The following NRXN3 variants were observed in gnomAD, a reference collection of about 807,000 sequenced individuals.
NRXN3 encodes neurexin 3, also known as neurexin III.
A neutral mutation model predicts 137.6 loss-of-function variants in NRXN3; 32 were observed. The ratio of observed to expected loss-of-function variants is 0.23; its 90% CI spans 0.18 to 0.31. The LOEUF (loss-of-function observed/expected upper bound fraction) is 0.31, where lower values mean the gene tolerates loss of function less well. Among genes scored for constraint, NRXN3 ranks in the 10% least tolerant of loss-of-function variants. The pLI is 1.00. For synonymous variants in NRXN3, 798 were observed against 784.5 expected, an observed-to-expected ratio of 1.02 and a Z score of -0.29; for missense variants, 1,574 against 2,062.5, an observed-to-expected ratio of 0.76 and a Z score of 4.59.
At chr14:79,173,619 G>A (rs2062010720) in intron 15 of NRXN3, among the ~76,000 whole-genome samples, 3 of 150,766 alleles carry the variant, frequency 2.0e-5, no homozygotes, top group Admixed American at 6.6e-5. Flanking sequence ...GTAATAAAAT[G>A]TGTCCATGAG....
At chr14:78,171,309 C>G (rs1171448872) in intron 1 of NRXN3, among the ~76,000 whole-genome samples, 4 of 145,546 alleles carry the variant, frequency 2.7e-5, no homozygotes, top group Admixed American at 7.0e-5. Context: ...GGTGGGCATA[C>G]TTGGAGAAGG....
intron 8 of NRXN3, among the ~76,000 whole-genome samples, chr14:78,724,176 C>G (rs1427970369): frequency 1.3e-5 from 2 of 152,116 alleles, no homozygotes; most frequent in African/African-American, 4.8e-5. Context: ...ATTCTGGTCT[C>G]TCATTTGGGA....
chr14:79,067,287 A>G (rs556691233), intron 15 of NRXN3, among the ~76,000 whole-genome samples: 13 of 152,296 alleles, frequency 8.5e-5, no homozygotes, highest in African/African-American at 3.1e-4. Flanking sequence ...GCATATGTTG[A>G]ACCAAACTTG....
At chr14:79,019,734 A>C (rs949711259) in intron 15 of NRXN3, among the ~76,000 whole-genome samples, 10 of 152,220 alleles carry the variant, frequency 6.6e-5, no homozygotes, top group African/African-American at 2.4e-4. Context: ...TGCAGTTGAG[A>C]GGGCTGGGAG....
intron 4 of NRXN3, among the ~76,000 whole-genome samples, chr14:78,628,430 A>G (rs2097488570): frequency 6.6e-6 from 1 of 152,184 alleles, no homozygotes; most frequent in Admixed American, 6.5e-5. Flanking sequence ...TCCTACCATA[A>G]TGTACCTGAA....
chr14:78,591,130 C>T (rs1283226782), intron 4 of NRXN3, among the ~76,000 whole-genome samples: 1 of 152,136 alleles, frequency 6.6e-6, no homozygotes, highest in Non-Finnish European at 1.5e-5. Flanking sequence ...AGCTATGTCC[C>T]CACAAAAGCA....
chr14:79,078,922 G>C (rs918686366), intron 15 of NRXN3, among the ~76,000 whole-genome samples: 6 of 151,850 alleles, frequency 4.0e-5, no homozygotes, highest in African/African-American at 1.5e-4. Context: ...TTCTTGTGTA[G>C]GGATACCAGA....
chr14:79,329,149 A>G (rs1213281073), intron 15 of NRXN3, among the ~76,000 whole-genome samples: 1 of 152,182 alleles, frequency 6.6e-6, no homozygotes, highest in Admixed American at 6.5e-5. Flanking sequence ...GCTTACTCAG[A>G]GTAGATGTGA....
chr14:79,155,643 T>G (rs770870026), intron 15 of NRXN3, among the ~76,000 whole-genome samples: 14 of 151,868 alleles, frequency 9.2e-5, no homozygotes, highest in Non-Finnish European at 1.8e-4. Flanking sequence ...CAAATTATGT[T>G]GTTATATTTT....
intron 11 of NRXN3, among the ~76,000 whole-genome samples, chr14:78,962,367 G>T (rs1215003555): frequency 1.3e-5 from 2 of 152,136 alleles, no homozygotes; most frequent in Non-Finnish European, 2.9e-5. Context: ...ATTTTCAGTA[G>T]TCTTGGTTTT....
At chr14:79,376,206 GTGTGTATGTATATA>G (rs1204109333) in intron 15 of NRXN3, among the ~76,000 whole-genome samples, 3 of 53,880 alleles carry the variant, frequency 5.6e-5, no homozygotes, top group African/African-American at 1.6e-4. Flanking sequence ...GTGTGTGTGT[GTGTGTATGTATATA>G]TATATATATA....
chr14:79,213,466 A>AT (rs1391232587), intron 15 of NRXN3, among the ~76,000 whole-genome samples: 1 of 152,196 alleles, frequency 6.6e-6, no homozygotes, highest in Non-Finnish European at 1.5e-5. Flanking sequence ...TTCATGTGGC[A>AT]TTTTTAATAC....
At chr14:78,863,869 C>G (rs2099079555) in intron 10 of NRXN3, among the ~76,000 whole-genome samples, 1 of 152,012 alleles carries the variant, frequency 6.6e-6, no homozygotes, top group South Asian at 2.1e-4. Flanking sequence ...TTCAATGAGT[C>G]AGAATGGTTT....
intron 16 of NRXN3, among the ~76,000 whole-genome samples, chr14:79,492,404 G>T (rs1324895098): frequency 1.3e-5 from 2 of 151,852 alleles, no homozygotes; most frequent in Non-Finnish European, 2.9e-5. Context: ...GGGGATGGGG[G>T]CAGGGTCTCA....
intron 6 of NRXN3, among the ~76,000 whole-genome samples, chr14:78,652,887 C>T (rs1372965756): frequency 6.6e-6 from 1 of 152,196 alleles, no homozygotes; most frequent in Non-Finnish European, 1.5e-5. Flanking sequence ...GAGATGAGAT[C>T]AGTGAGTGAA....
chr14:79,220,505 T>C (rs1263026786), intron 15 of NRXN3, among the ~76,000 whole-genome samples: 2 of 152,140 alleles, frequency 1.3e-5, no homozygotes, highest in African/African-American at 4.8e-5. Flanking sequence ...ACTCTTGGTG[T>C]TGTACATTAT....
intron 15 of NRXN3, among the ~76,000 whole-genome samples, chr14:79,271,837 A>G (rs1163696997): frequency 6.6e-6 from 1 of 152,168 alleles, no homozygotes; most frequent in Non-Finnish European, 1.5e-5. Flanking sequence ...CAAGTTCATC[A>G]TAATAGTGAA....
intron 2 of NRXN3, among the ~76,000 whole-genome samples, chr14:78,249,859 A>G (rs2068309242): frequency 6.6e-6 from 1 of 152,210 alleles, no homozygotes; most frequent in African/African-American, 2.4e-5. Flanking sequence ...ATAGTGGATA[A>G]GAGTATGGCT....
At chr14:79,298,519 C>T (rs963229962) in intron 15 of NRXN3, among the ~76,000 whole-genome samples, 1 of 152,026 alleles carries the variant, frequency 6.6e-6, no homozygotes, top group Non-Finnish European at 1.5e-5. Context: ...GAGGTCTTAA[C>T]ATTTTTTCTC....
Sources: allele counts gnomAD v4.1 joint callset (sites outside exome capture counted in the v4.1 genomes callset), GRCh38; gene constraint gnomAD v4.1.1; transcripts MANE v1.5; gene names NCBI Gene and HGNC (gene_info 2026-07-23, HGNC 2026-07-21).